SCEL: variants seen among roughly 807,000 people sequenced by gnomAD.
SCEL encodes sciellin.
Under a neutral mutation model 117.6 loss-of-function variants are expected in SCEL, and 113 were observed. The ratio of observed to expected loss-of-function variants is 0.96; its 90% confidence interval spans 0.83 to 1.12. The LOEUF (loss-of-function observed/expected upper bound fraction) is 1.12. Among genes scored for constraint, SCEL ranks in the 50% most tolerant of loss-of-function variants. The pLI is 0.00. For missense variants in SCEL, 785 were observed against 810.8 expected (o/e 0.97, Z 0.39); for synonymous variants, 270 against 256.2 (o/e 1.05, Z -0.51).
intron 12 of SCEL, among the ~76,000 whole-genome samples, chr13:77,596,486 G>A (rs1311703783): frequency 6.6e-6 from 1 of 152,114 alleles, no homozygotes; most frequent in African/African-American, 2.4e-5. Flanking sequence ...AATCTTTTCT[G>A]AGGTGGGTAT....
At chr13:77,628,917 T>A (rs899296345) in intron 28 of SCEL, among the ~76,000 whole-genome samples, 2 of 152,132 alleles carry the variant, frequency 1.3e-5, no homozygotes, top group Admixed American at 6.6e-5. Flanking sequence ...TGAGGGAGGA[T>A]AAATTTTCAG....
chr13:77,636,744 G>A (rs1418653637), intron 29 of SCEL, among the ~76,000 whole-genome samples: 2 of 152,162 alleles, frequency 1.3e-5, no homozygotes, highest in African/African-American at 2.4e-5. Flanking sequence ...TGTGAATGGT[G>A]TATGTGTCTG....
intron 1 of SCEL, among the ~76,000 whole-genome samples, chr13:77,538,115 CTTTTTTT>C (rs35197581): frequency 7.0e-5 from 9 of 128,954 alleles, no homozygotes; most frequent in East Asian, 4.4e-4. Flanking sequence ...AATCAAAAGT[CTTTTTTT>C]TTTTTTTTTT....
chr13:77,551,503 G>T (rs765568917), intron 1 of SCEL, among the ~76,000 whole-genome samples: 14 of 152,144 alleles, frequency 9.2e-5, no homozygotes, highest in Non-Finnish European at 1.6e-4. Context: ...AGTTGTGGGG[G>T]CTGGGCAGAT....
intron 20 of SCEL, 28 bp from the exon 21 acceptor site, chr13:77,609,028 TTA>T (rs746943797): frequency 6.7e-7 from 1 of 1,501,390 alleles, no homozygotes; most frequent in African/African-American, 1.4e-5. Context: ...CCATTTTTAT[TTA>T]TGATGTTTTT....
At chr13:77,640,528 A>G (rs1285042910) in intron 30 of SCEL, 148 bp from the exon 31 acceptor site, 1 of 390,844 alleles carries the variant, frequency 2.6e-6, no homozygotes, top group Non-Finnish European at 4.6e-6. Context: ...TAGAATAAAT[A>G]AACTCCAAAC....
chr13:77,618,132 C>G (rs1406487902), intron 27 of SCEL, 72 bp downstream of exon 27: 4 of 1,116,196 alleles, frequency 3.6e-6, no homozygotes, highest in Non-Finnish European at 5.5e-6. Flanking sequence ...CTCCTTGCCT[C>G]CCTGCCTCCC....
In SCEL at chr13:77,644,553, A is replaced by G. The variant is rs774156994; in HGVS notation, c.*279A>G. The G allele has an allele frequency of 8.4e-5, 26 of 310,378 alleles. No individual in the cohort carries two copies. Among genetic ancestry groups the G allele is most frequent in the Admixed American group, 8.2e-4 (18 of 21,854 alleles). The allele number at this position is 310,378 out of a possible 1,614,324, so 19.2% of individuals were successfully genotyped here. On this transcript the variant is annotated 3_prime_UTR_variant, in exon 33 of 33. Coordinates refer to ENST00000349847, the MANE Select transcript of SCEL (RefSeq NM_144777.3). ...GATGCATTACACTCCAGCCAGGTCCATCCCTGCTCCGTATGTTGGCTGTGA... is the reference window on the plus strand; with the variant it reads ...GATGCATTACACTCCAGCCAGGTCCGTCCCTGCTCCGTATGTTGGCTGTGA...
Position 77,610,036 on chromosome 13 carries a change from A to T in SCEL, c.1278-11A>T. 1 of 1,598,722 alleles carries T rather than the reference A, an allele frequency of 6.3e-7. No individual in the cohort carries two copies. The highest frequency in any genetic ancestry group is 1.3e-5 in the African/African-American group (1 of 74,380). On this transcript the variant is annotated splice_polypyrimidine_tract_variant and intron_variant, in intron 21 of 32. Transcript: ENST00000349847. ...AAATCTACCACTGATCTGATTTTCT[A>T]TGTTTTTAAGGGGCCAAAGTCTCGA...
chr13:77,568,334 G>T lies in SCEL; in HGVS notation c.398+1G>T. ...TTAGATCACTGGAAGTAACAAAGTTGTATGTATTCTTTCTAATTGTAGTAT... is the reference window on the plus strand; with the variant it reads ...TTAGATCACTGGAAGTAACAAAGTTTTATGTATTCTTTCTAATTGTAGTAT... On this transcript the variant is annotated splice_donor_variant, in intron 7 of 32. Transcript: ENST00000349847. LOFTEE classifies it high-confidence loss of function. The T allele has an allele frequency of 1.2e-5, 18 of 1,549,168 alleles. No homozygotes were observed. The highest frequency in any genetic ancestry group is 1.6e-5 in the Non-Finnish European group (18 of 1,127,530).
At chr13:77,611,581 C>T (rs1427535261) in intron 22 of SCEL, among the ~76,000 whole-genome samples, 2 of 152,170 alleles carry the variant, frequency 1.3e-5, no homozygotes, top group Non-Finnish European at 2.9e-5. Context: ...CCTGATTATT[C>T]ATGGCCTTTC....
intron 8 of SCEL, 63 bp downstream of exon 8, chr13:77,569,514 TTCC>T (rs1354468593): frequency 7.8e-7 from 1 of 1,277,136 alleles, no homozygotes; most frequent in Admixed American, 1.9e-5. Flanking sequence ...ATTAGAAAGC[TTCC>T]TCCTCTTTTT....
chr13:77,593,390 C>T lies in SCEL; in HGVS notation c.693-124C>T, dbSNP rs142587621. ...AGAACCATTTTGTCATTCTGTTAAA[C>T]TCAGTAATTCCTGAACACCACCTAG... is the stretch of plus-strand genomic sequence containing the variant. On this transcript the variant is annotated intron_variant, in intron 11 of 32. Coordinates refer to ENST00000349847, the MANE Select transcript of SCEL (RefSeq NM_144777.3). 193 of 639,068 alleles carry T rather than the reference C, an allele frequency of 3.0e-4. 1 individual carries two copies. The East Asian group carries it at 3.4e-3, about 11-fold the overall frequency. 39.6% of individuals were successfully genotyped at this position (639,068 alleles called of 1,614,324 possible).
At chr13:77,634,571 A>G (rs144641536) in intron 29 of SCEL, 121 bp downstream of exon 29, 7 of 622,674 alleles carry the variant, frequency 1.1e-5, no homozygotes, top group Non-Finnish European at 2.0e-5. Context: ...GTTTATAAGT[A>G]CATTGAGTTC....
intron 32 of SCEL, among the ~76,000 whole-genome samples, chr13:77,643,053 G>C (rs1181212293): frequency 6.6e-6 from 1 of 151,984 alleles, no homozygotes; most frequent in Non-Finnish European, 1.5e-5. Flanking sequence ...ATTTATTTTA[G>C]AAAATTTTCC....
Position 77,640,729 on chromosome 13 carries a change from A to G in SCEL, c.1892A>G (p.Glu631Gly). ...CTYCRKPLGVETKMILDELQI... is the reference protein window; with the variant it reads ...CTYCRKPLGVGTKMILDELQI... ...TACTGCCGAAAACCCTTGGGTGTAG[A>G]AACTAAAATGATTTTAGATGAATTA... Residue 631 changes from glutamate to glycine, a missense_variant, in exon 31 of 33, where the codon GAA (glutamate) becomes GGA (glycine). Transcript: ENST00000349847. The G allele has an allele frequency of 6.2e-7, 1 of 1,608,110 alleles. No individual in the cohort carries two copies. Among genetic ancestry groups the G allele is most frequent in the Non-Finnish European group, 8.5e-7 (1 of 1,175,972 alleles).
chr13:77,607,984 C>A, intron 19 of SCEL, 72 bp from the exon 20 acceptor site: 1 of 1,199,490 alleles, frequency 8.3e-7, no homozygotes, highest in South Asian at 1.4e-5. Context: ...AATGAAATAG[C>A]TTTATCTTCT....
At chr13:77,579,373 A>T (rs540191055) in intron 9 of SCEL, among the ~76,000 whole-genome samples, 5 of 152,366 alleles carry the variant, frequency 3.3e-5, no homozygotes, top group Admixed American at 6.5e-5. Context: ...ATTGATTGAT[A>T]GATTGATTTT....
At position 77,610,692 on chromosome 13, in the gene SCEL, C is replaced by T. The variant is rs189648367; in HGVS notation, c.1337+586C>T. On this transcript the variant is annotated intron_variant, in intron 22 of 32. Transcript: ENST00000349847. ...GATTCCCCATGAGACAAAACATCAC[C>T]CCAAACAATTTCCCTGATCTAAGTA... Among the ~76,000 whole-genome samples the T allele has an allele frequency of 6.4e-4, 97 of 152,072 alleles. 1 individual carries two copies. In the East Asian group the frequency reaches 0.016, roughly 25 times the overall value.
Sources: allele counts gnomAD v4.1 joint callset (sites outside exome capture counted in the v4.1 genomes callset), GRCh38; gene constraint gnomAD v4.1.1; transcripts MANE v1.5; gene names NCBI Gene and HGNC (gene_info 2026-07-23, HGNC 2026-07-21).